The following SHISA9 variants were observed in gnomAD, a reference collection of about 807,000 sequenced individuals.
SHISA9 encodes protein shisa-9.
SHISA9 carries 13 observed loss-of-function variants against 38.0 expected under a neutral mutation model. The observed-to-expected ratio is 0.34, with a 90% confidence interval of 0.22 to 0.54. The LOEUF is 0.54. SHISA9 is among the 20% of genes least tolerant of loss of function. The probability of loss-of-function intolerance (pLI) is 0.91; values close to 1 mark genes in which losing one functional copy is unlikely to be tolerated. For synonymous variants in SHISA9, 275 were observed against 242.0 expected, an observed-to-expected ratio of 1.14 and a Z score of -1.27; for missense variants, 538 against 575.8, an observed-to-expected ratio of 0.93 and a Z score of 0.67.
At chr16:13,185,703 G>T (rs1436222746) in intron 2 of SHISA9, among the ~76,000 whole-genome samples, 2 of 152,102 alleles carry the variant, frequency 1.3e-5, no homozygotes, top group Non-Finnish European at 2.9e-5. Context: ...AGTGAGTCTT[G>T]TCCATTTTTC....
At chr16:13,109,649 T>A (rs1422226558) in intron 2 of SHISA9, among the ~76,000 whole-genome samples, 1 of 152,208 alleles carries the variant, frequency 6.6e-6, no homozygotes, top group Non-Finnish European at 1.5e-5. Context: ...ACATTTTTTG[T>A]CACCCCAATA....
intron 2 of SHISA9, among the ~76,000 whole-genome samples, chr16:12,992,962 A>G (rs2072407422): frequency 6.6e-6 from 1 of 152,234 alleles, no homozygotes; most frequent in South Asian, 2.1e-4. Context: ...GCATAGGAAG[A>G]TTACGTCAAA....
At chr16:13,478,454 T>TATCGA in the SHISA9 span, among the ~76,000 whole-genome samples, 1 of 152,316 alleles carries the variant, frequency 6.6e-6, no homozygotes, top group Middle Eastern at 3.4e-3. Flanking sequence ...CTTAGGGTCC[T>TATCGA]ATAAGTCTGG....
the SHISA9 span, among the ~76,000 whole-genome samples, chr16:13,417,710 C>T: frequency 6.6e-6 from 1 of 152,236 alleles, no homozygotes; most frequent in African/African-American, 2.4e-5. Context: ...CAGATATCGT[C>T]TGCAAAGACA....
At chr16:13,489,378 C>G in the SHISA9 span, among the ~76,000 whole-genome samples, 16 of 152,222 alleles carry the variant, frequency 1.1e-4, no homozygotes, top group African/African-American at 3.1e-4. Flanking sequence ...ACTTGTATCT[C>G]TGTTGTTAAG....
chr16:12,911,321 T>A, intron 1 of SHISA9: 1 of 985,468 alleles, frequency 1.0e-6, no homozygotes, highest in Non-Finnish European at 1.2e-6. Flanking sequence ...GGCATTTGTG[T>A]GGCTTGGAGC....
chr16:13,476,748 T>TTG, the SHISA9 span, among the ~76,000 whole-genome samples: 1 of 112,564 alleles, frequency 8.9e-6, no homozygotes, highest in South Asian at 3.0e-4. Flanking sequence ...GTTTTTTTTT[T>TTG]TTTTTTTTTT....
intron 2 of SHISA9, among the ~76,000 whole-genome samples, chr16:13,141,743 T>C (rs191376134): frequency 4.6e-4 from 70 of 152,264 alleles, no homozygotes; most frequent in African/African-American, 1.7e-3. Context: ...AAAGGTGATA[T>C]GAAGAGCTCT....
At chr16:13,143,715 C>T (rs13338381) in intron 2 of SHISA9, among the ~76,000 whole-genome samples, 6 of 152,204 alleles carry the variant, frequency 3.9e-5, no homozygotes, top group Non-Finnish European at 8.8e-5. Context: ...CCCCCATGGG[C>T]CAAACCACAT....
chr16:13,220,873 T>C (rs1420061267), intron 4 of SHISA9, among the ~76,000 whole-genome samples: 1 of 152,084 alleles, frequency 6.6e-6, no homozygotes, highest in Non-Finnish European at 1.5e-5. Flanking sequence ...AGAAAGGGCC[T>C]GAGGTTTCAG....
chr16:13,331,086 G>C, the SHISA9 span, among the ~76,000 whole-genome samples: 1 of 152,172 alleles, frequency 6.6e-6, no homozygotes, highest in South Asian at 2.1e-4. Context: ...TCAGAACCAA[G>C]TAATAGATAT....
At chr16:12,946,800 A>G (rs2071693904) in intron 2 of SHISA9, among the ~76,000 whole-genome samples, 1 of 152,266 alleles carries the variant, frequency 6.6e-6, no homozygotes, top group Non-Finnish European at 1.5e-5. Flanking sequence ...GCATTTGAGC[A>G]GGGCACTGCA....
In SHISA9 at chr16:13,074,668, C is replaced by CTT. The variant is rs947582644; in HGVS notation, c.692-128714_692-128713dup. 4.1e-3 allele frequency among the ~76,000 whole-genome samples: 580 copies of CTT among 141,116 alleles called. 7 individuals carry two copies. Among genetic ancestry groups the CTT allele is most frequent in the African/African-American group, 0.014 (541 of 38,430 alleles). The allele number at this position is 141,116 out of a possible 152,430, so 92.6% of individuals were successfully genotyped here. Reference sequence around the variant, plus strand: ...TCTTTTCTTTTCTCTTTTTCTTTTTCTTTTTTTTTTTTTGAGGTGGAGTTT... The same window carrying CTT: ...TCTTTTCTTTTCTCTTTTTCTTTTTCTTTTTTTTTTTTTTTGAGGTGGAGTTT... On this transcript the variant is annotated intron_variant, in intron 2 of 4. Coordinates refer to ENST00000558583, the MANE Select transcript of SHISA9 (RefSeq NM_001145204.3).
chr16:13,216,773 G>T (rs2051173307), intron 4 of SHISA9, among the ~76,000 whole-genome samples: 1 of 152,182 alleles, frequency 6.6e-6, no homozygotes, highest in South Asian at 2.1e-4. Flanking sequence ...ACTGCCACCT[G>T]CATTGATAAT....
At chr16:13,359,587 A>G in the SHISA9 span, among the ~76,000 whole-genome samples, 3 of 152,240 alleles carry the variant, frequency 2.0e-5, no homozygotes, top group Non-Finnish European at 4.4e-5. Context: ...TTAGAATTCT[A>G]TCCAATATGG....
At chr16:13,502,204 A>C in the SHISA9 span, among the ~76,000 whole-genome samples, 4 of 139,460 alleles carry the variant, frequency 2.9e-5, no homozygotes, top group Non-Finnish European at 5.0e-5. Context: ...TCCCACCTAC[A>C]AAATAAACCA....
intron 2 of SHISA9, among the ~76,000 whole-genome samples, chr16:13,170,814 G>A (rs1450781209): frequency 4.6e-5 from 7 of 151,934 alleles, no homozygotes; most frequent in African/African-American, 1.5e-4. Flanking sequence ...GTGCCACCAC[G>A]CCCAGCTAGT....
the SHISA9 span, among the ~76,000 whole-genome samples, chr16:13,366,445 G>A: frequency 1.3e-5 from 2 of 152,198 alleles, no homozygotes; most frequent in Admixed American, 1.3e-4. Context: ...TTGAAACACA[G>A]ATTTGGATTC....
At chr16:13,007,394 C>T (rs2072611974) in intron 2 of SHISA9, among the ~76,000 whole-genome samples, 1 of 152,158 alleles carries the variant, frequency 6.6e-6, no homozygotes, top group South Asian at 2.1e-4. Flanking sequence ...ATATATCACA[C>T]ATCTCCTACA....
Sources: gnomAD v4.1 joint callset for allele counts (sites outside exome capture counted in the v4.1 genomes callset) on GRCh38, gnomAD v4.1.1 for gene constraint, MANE v1.5 for transcripts, NCBI Gene and HGNC (gene_info 2026-07-23, HGNC 2026-07-21) for gene names.